MAD1L1: variants seen among roughly 807,000 people sequenced by gnomAD.
MAD1L1 encodes mitotic spindle assembly checkpoint protein MAD1.
Under a neutral mutation model 96.9 loss-of-function variants are expected in MAD1L1, and 95 were observed. The ratio of observed to expected loss-of-function variants is 0.98; its 90% CI spans 0.83 to 1.16. MAD1L1 has a LOEUF of 1.16. MAD1L1 is among the 50% of genes most tolerant of loss of function. The probability of loss-of-function intolerance (pLI) is 0.00; values close to 1 mark genes in which losing one functional copy is unlikely to be tolerated. For synonymous variants in MAD1L1, 473 were observed against 396.6 expected (o/e 1.19, Z -2.29); for missense variants, 1,007 against 954.4 (o/e 1.06, Z -0.73).
chr7:2,126,580 C>A (rs1031987090), intron 11 of MAD1L1, among the ~76,000 whole-genome samples: 1 of 152,182 alleles, frequency 6.6e-6, no homozygotes. Context: ...CGACACAGGC[C>A]GATGCCGCCA....
At chr7:1,955,846 G>T (rs1443863584) in intron 16 of MAD1L1, among the ~76,000 whole-genome samples, 2 of 152,076 alleles carry the variant, frequency 1.3e-5, no homozygotes, top group Non-Finnish European at 2.9e-5. Flanking sequence ...TCAGCTCAGG[G>T]GCTCTTCAGT....
intron 12 of MAD1L1, among the ~76,000 whole-genome samples, chr7:2,064,477 G>C (rs1428897363): frequency 6.6e-6 from 1 of 152,252 alleles, no homozygotes; most frequent in Non-Finnish European, 1.5e-5. Flanking sequence ...GATGGCTCAG[G>C]CTCACAAGAG....
intron 11 of MAD1L1, among the ~76,000 whole-genome samples, chr7:2,070,518 A>G (rs1368658937): frequency 6.6e-6 from 1 of 152,214 alleles, no homozygotes; most frequent in African/African-American, 2.4e-5. Context: ...ACAGCCAGGA[A>G]AGAAGAGAGG....
intron 10 of MAD1L1, among the ~76,000 whole-genome samples, chr7:2,189,134 C>T (rs960843260): frequency 6.6e-6 from 1 of 152,160 alleles, no homozygotes; most frequent in Non-Finnish European, 1.5e-5. Flanking sequence ...GACACCACCT[C>T]ACACTCATTA....
intron 18 of MAD1L1, among the ~76,000 whole-genome samples, chr7:1,851,520 C>G (rs1305982410): frequency 6.6e-6 from 1 of 152,188 alleles, no homozygotes. Context: ...CCAGAGGAAT[C>G]TGCTCGGGGC....
chr7:1,840,293 C>T lies in MAD1L1; in HGVS notation c.1999-24065G>A, dbSNP rs758888752. 2.0e-5 allele frequency among the ~76,000 whole-genome samples: 3 copies of T among 152,350 alleles called. No homozygotes were observed. In the South Asian group the frequency reaches 6.2e-4, roughly 32 times the overall value. ...CCAGCCAGACAAACTCTAATTCACCCGTGAGCCCCAGCTCCAGGCCACCTC... is the reference window on the plus strand; with the variant it reads ...CCAGCCAGACAAACTCTAATTCACCTGTGAGCCCCAGCTCCAGGCCACCTC... On this transcript the variant is annotated intron_variant, in intron 18 of 18. Coordinates refer to ENST00000265854, the MANE Select transcript of MAD1L1 (RefSeq NM_001013836.2).
chr7:1,984,602 G>A (rs1449296695), intron 14 of MAD1L1, among the ~76,000 whole-genome samples: 3 of 152,206 alleles, frequency 2.0e-5, no homozygotes, highest in Admixed American at 6.5e-5. Context: ...ACTGTGAAAA[G>A]CGCCCACCTT....
chr7:2,201,184 G>T (rs2114954842), intron 10 of MAD1L1, among the ~76,000 whole-genome samples: 1 of 129,192 alleles, frequency 7.7e-6, no homozygotes, highest in African/African-American at 2.6e-5. Context: ...CTCTCCGAAG[G>T]CCATGGCACT....
At chr7:2,161,754 G>A (rs890834657) in intron 10 of MAD1L1, among the ~76,000 whole-genome samples, 4 of 147,838 alleles carry the variant, frequency 2.7e-5, no homozygotes, top group South Asian at 2.2e-4. Flanking sequence ...CTGCCTGGCC[G>A]CGACCCCATC....
intron 11 of MAD1L1, among the ~76,000 whole-genome samples, chr7:2,092,774 A>G (rs1013894466): frequency 6.6e-6 from 1 of 152,232 alleles, no homozygotes; most frequent in African/African-American, 2.4e-5. Context: ...TATCTTCCAC[A>G]GAGCAAGAGT....
intron 12 of MAD1L1, among the ~76,000 whole-genome samples, chr7:2,063,138 C>A (rs1784734846): frequency 6.6e-6 from 1 of 152,108 alleles, no homozygotes; most frequent in African/African-American, 2.4e-5. Context: ...CGGGAACTTG[C>A]TGTATTCTTT....
rs374409040 is a variant in MAD1L1 at position 2,014,485 on chromosome 7, C to T, written c.1359+17G>A. The T allele has an allele frequency of 1.1e-4, 168 of 1,550,704 alleles. No homozygotes were observed. Among genetic ancestry groups the T allele is most frequent in the Non-Finnish European group, 1.3e-4 (155 of 1,149,410 alleles). ...GCCCCACCTGGCGACGTGAGCCCCA[C>T]GCCCGCGGCCCCTCACCTCCATCTC... On this transcript the variant is annotated intron_variant, in intron 13 of 18. Coordinates refer to ENST00000265854, the MANE Select transcript of MAD1L1 (RefSeq NM_001013836.2).
intron 16 of MAD1L1, among the ~76,000 whole-genome samples, chr7:1,941,208 G>A (rs184787713): frequency 2.6e-3 from 403 of 152,322 alleles, no homozygotes; most frequent in Non-Finnish European, 4.9e-3. Flanking sequence ...AGTGCCTGAG[G>A]ACGTCAAGTT....
intron 18 of MAD1L1, among the ~76,000 whole-genome samples, chr7:1,818,178 G>A (rs184360493): frequency 3.9e-5 from 6 of 152,064 alleles, no homozygotes; most frequent in African/African-American, 1.2e-4. Flanking sequence ...TGCAGCTGCC[G>A]GGCAGGGGTG....
chr7:2,227,315 T>C (rs996451285), intron 3 of MAD1L1, among the ~76,000 whole-genome samples: 1 of 152,022 alleles, frequency 6.6e-6, no homozygotes. Context: ...AAAAGAAACT[T>C]CTTTTTAGAC....
At chr7:2,230,515 C>T (rs1205543119) in intron 2 of MAD1L1, 34 bp downstream of exon 2, 1 of 196,908 alleles carries the variant, frequency 5.1e-6, no homozygotes, top group Non-Finnish European at 1.1e-5. Context: ...GAGACAGACA[C>T]AAGAGAAGGG....
At chr7:2,204,727 T>TA (rs1223886344) in intron 10 of MAD1L1, among the ~76,000 whole-genome samples, 3 of 152,242 alleles carry the variant, frequency 2.0e-5, no homozygotes, top group Non-Finnish European at 2.9e-5. Context: ...CTCAGACTGT[T>TA]AGAATAAGGC....
At chr7:1,903,375 C>T (rs1040000454) in intron 17 of MAD1L1, among the ~76,000 whole-genome samples, 3 of 150,456 alleles carry the variant, frequency 2.0e-5, no homozygotes, top group Non-Finnish European at 4.4e-5. Context: ...CTGTTCCAGG[C>T]AGCGAGGACA....
chr7:2,098,866 T>C (rs1422067509), intron 11 of MAD1L1, among the ~76,000 whole-genome samples: 1 of 152,208 alleles, frequency 6.6e-6, no homozygotes, highest in African/African-American at 2.4e-5. Flanking sequence ...GGAAAGCCCC[T>C]GGAGGGCCAA....
Sources: allele counts gnomAD v4.1 joint callset (sites outside exome capture counted in the v4.1 genomes callset), GRCh38; gene constraint gnomAD v4.1.1; transcripts MANE v1.5; gene names NCBI Gene and HGNC (gene_info 2026-07-23, HGNC 2026-07-21).